The following ANKRD36B variants were observed in gnomAD, a reference collection of about 807,000 sequenced individuals.
The protein encoded by ANKRD36B is ankyrin repeat domain 36B.
In ANKRD36B, 37 loss-of-function variants were observed where a neutral mutation model predicts 135.7. The observed-to-expected ratio is 0.27, with a 90% CI of 0.21 to 0.36. ANKRD36B has a LOEUF of 0.36. Ranked by LOEUF, ANKRD36B falls within the 10% of genes least tolerant of loss-of-function variation. The probability of loss-of-function intolerance (pLI) is 1.00; values close to 1 mark genes in which losing one functional copy is unlikely to be tolerated. For missense variants in ANKRD36B, 549 were observed against 1,037.1 expected (o/e 0.53, Z 6.46); for synonymous variants, 179 against 348.1 (o/e 0.51, Z 5.41).
At chr2:97,585,435 G>C (rs2082912180) in intron 1 of ANKRD36B, 37 bp from the exon 2 acceptor site, 1 of 1,544,676 alleles carries the variant, frequency 6.5e-7, no homozygotes, top group Non-Finnish European at 8.7e-7. Flanking sequence ...ACATGTAACT[G>C]TAAGCATTAA....
In ANKRD36B at chr2:97,546,452, G is replaced by T. The variant is rs572298178; in HGVS notation, c.1580-591C>A. Among the ~76,000 whole-genome samples, 3 of 151,776 alleles carry T rather than the reference G, an allele frequency of 2.0e-5. No individual in the cohort carries two copies. In the East Asian group the frequency reaches 5.9e-4, roughly 30 times the overall value. ...TCATTATCTCTCACACGCACGTGGT[G>T]CAATAATTTGCCTAAGTTTCTTGTA... On this transcript the variant is annotated intron_variant, in intron 22 of 43. Coordinates refer to ENST00000359901, the MANE Select transcript of ANKRD36B (RefSeq NM_001393939.1).
chr2:97,575,030 G>A (rs2082135635), intron 6 of ANKRD36B, among the ~76,000 whole-genome samples: 1 of 151,578 alleles, frequency 6.6e-6, no homozygotes, highest in African/African-American at 2.4e-5. Context: ...AAAGGGTACC[G>A]CCAAAGAGCT....
intron 1 of ANKRD36B, among the ~76,000 whole-genome samples, chr2:97,586,582 AC>A: frequency 6.6e-6 from 1 of 152,326 alleles, no homozygotes; most frequent in African/African-American, 2.4e-5. Context: ...TTGATGAATA[AC>A]TGGATTGAAA....
intron 20 of ANKRD36B, among the ~76,000 whole-genome samples, chr2:97,548,131 C>A (rs1463502841): frequency 6.6e-6 from 1 of 151,780 alleles, no homozygotes; most frequent in Non-Finnish European, 1.5e-5. Flanking sequence ...AGGATTTACA[C>A]CATTATACTA....
intron 20 of ANKRD36B, among the ~76,000 whole-genome samples, chr2:97,548,045 G>A (rs181419527): frequency 5.8e-4 from 88 of 151,864 alleles, no homozygotes; most frequent in African/African-American, 2.1e-3. Flanking sequence ...AATCAGAGGA[G>A]AAACTCATAC....
chr2:97,560,022 G>A (rs1285319524), intron 8 of ANKRD36B, among the ~76,000 whole-genome samples: 1 of 151,782 alleles, frequency 6.6e-6, no homozygotes, highest in African/African-American at 2.4e-5. Context: ...AGTCACTGTG[G>A]TTTATCCCAA....
intron 34 of ANKRD36B, among the ~76,000 whole-genome samples, chr2:97,535,979 T>C (rs1443925836): frequency 1.1e-5 from 1 of 93,814 alleles, no homozygotes; most frequent in South Asian, 2.4e-4. Flanking sequence ...GCAGGAGAAT[T>C]GCTTGAACCA....
intron 43 of ANKRD36B, among the ~76,000 whole-genome samples, chr2:97,496,192 A>G (rs1489311705): frequency 9.3e-6 from 1 of 107,022 alleles, no homozygotes; most frequent in African/African-American, 2.6e-5. Flanking sequence ...CAAATGAGCC[A>G]CAACATTTCG....
At chr2:97,564,207 T>C (rs1419126105) in intron 6 of ANKRD36B, among the ~76,000 whole-genome samples, 2 of 152,050 alleles carry the variant, frequency 1.3e-5, no homozygotes, top group African/African-American at 4.8e-5. Flanking sequence ...ATGTCGTCAA[T>C]AAGTTTTAGT....
chr2:97,524,013 C>T (rs947847445), intron 35 of ANKRD36B: 2 of 69,990 alleles, frequency 2.9e-5, no homozygotes, highest in African/African-American at 8.4e-5. Flanking sequence ...TCTAGACATA[C>T]TGCTGATGTT....
intron 6 of ANKRD36B, among the ~76,000 whole-genome samples, chr2:97,572,169 T>A (rs552470519): frequency 6.6e-6 from 1 of 151,870 alleles, no homozygotes; most frequent in African/African-American, 2.4e-5. Flanking sequence ...GCAGTCTCAA[T>A]GACTTAGGAG....
In ANKRD36B at chr2:97,551,471, T is replaced by G; in HGVS notation, c.1283A>C (p.Gln428Pro). 6.2e-7 allele frequency: 1 copy of G among 1,607,648 alleles called. No individual in the cohort carries two copies. Residue 428 changes from glutamine to proline, a missense_variant, in exon 17 of 44, where the codon CAG (glutamine) becomes CCG (proline). Transcript: ENST00000359901. ...DGEKSGTVSS[Q>P]KKPALKATSD... is the part of the protein sequence containing the mutation. ...CATTACCTTCAAGGCTGGTTTTTTC[T>G]GAGAAGACACTGAAAAGCAAAAGGG...
chr2:97,530,685 C>T lies in ANKRD36B; in HGVS notation c.2265+1626G>A, dbSNP rs1437162210. Among the ~76,000 whole-genome samples the T allele has an allele frequency of 5.0e-4, 48 of 95,946 alleles. 8 individuals carry two copies. In the South Asian group the frequency reaches 0.011, roughly 21 times the overall value. 62.9% of individuals were successfully genotyped at this position (95,946 alleles called of 152,430 possible). A position where few individuals can be genotyped will look rare whatever the true frequency, so the allele number is the denominator to read the frequency against. ...ACAAAGGGCTAATATCCAGAATCTACAAAGAACTCAAACAAATTTACAAGA... is the reference window on the plus strand; with the variant it reads ...ACAAAGGGCTAATATCCAGAATCTATAAAGAACTCAAACAAATTTACAAGA... On this transcript the variant is annotated intron_variant, in intron 35 of 43. Transcript: ENST00000359901.
At chr2:97,549,637 A>T in intron 18 of ANKRD36B, 23 bp from the exon 19 acceptor site, 1 of 1,607,254 alleles carries the variant, frequency 6.2e-7, no homozygotes, top group Non-Finnish European at 8.5e-7. Flanking sequence ...AGGGATTCAT[A>T]ATCACTCATA....
In ANKRD36B at chr2:97,545,587, C is replaced by G. The variant is rs570232944; in HGVS notation, c.1681+79G>C. On this transcript the variant is annotated intron_variant, in intron 24 of 43. Coordinates refer to ENST00000359901, the MANE Select transcript of ANKRD36B (RefSeq NM_001393939.1). ...ATCAGAACATGAAGATTTGACGAAC[C>G]CCCCGCTGCTTTATTTGGTGAAGAG... 126 of 750,424 alleles carry G rather than the reference C, an allele frequency of 1.7e-4. 21 individuals carry two copies. The East Asian group carries it at 3.5e-3, about 21-fold the overall frequency. 46.5% of individuals were successfully genotyped at this position (750,424 alleles called of 1,614,324 possible). A position where few individuals can be genotyped will look rare whatever the true frequency, so the allele number is the denominator to read the frequency against.
chr2:97,549,618 A>C lies in ANKRD36B; in HGVS notation c.1376-4T>G. 1 of 1,608,284 alleles carries C rather than the reference A, an allele frequency of 6.2e-7. No individual in the cohort carries two copies. The highest frequency in any genetic ancestry group is 8.5e-7 in the Non-Finnish European group (1 of 1,177,880). On this transcript the variant is annotated splice_region_variant and splice_polypyrimidine_tract_variant and intron_variant, in intron 18 of 43. Coordinates refer to ENST00000359901, the MANE Select transcript of ANKRD36B (RefSeq NM_001393939.1). ...GCTGGTGGTTTCTGAGAAGACACTG[A>C]AAAGCAAAAGGGATTCATAATCACT...
At chr2:97,548,258 A>T (rs933130705) in intron 20 of ANKRD36B, among the ~76,000 whole-genome samples, 33 of 151,832 alleles carry the variant, frequency 2.2e-4, no homozygotes, top group Admixed American at 1.2e-3. Context: ...TGAATTGATC[A>T]CCTTGGACAC....
intron 3 of ANKRD36B, among the ~76,000 whole-genome samples, chr2:97,582,458 T>A (rs952060396): frequency 6.6e-6 from 1 of 151,618 alleles, no homozygotes; most frequent in Non-Finnish European, 1.5e-5. Context: ...AGTACCTAGG[T>A]AGGCACAGTA....
At position 97,531,722 on chromosome 2, in the gene ANKRD36B, T is replaced by C. The variant is rs1157205479; in HGVS notation, c.2265+589A>G. ...TTTAACAATATTTAGAGATTTTCTA[T>C]ATTGAAATTCATTAGGCAGTTATTG... On this transcript the variant is annotated intron_variant, in intron 35 of 43. Transcript: ENST00000359901. Among the ~76,000 whole-genome samples the C allele has an allele frequency of 3.3e-4, 32 of 96,558 alleles. 5 individuals are homozygous for C. The highest frequency in any genetic ancestry group is 7.8e-4 in the African/African-American group (25 of 32,238). 63.3% of individuals were successfully genotyped at this position (96,558 alleles called of 152,430 possible).
Sources: gnomAD v4.1 joint callset for allele counts (sites outside exome capture counted in the v4.1 genomes callset) on GRCh38, gnomAD v4.1.1 for gene constraint, MANE v1.5 for transcripts, NCBI Gene and HGNC (gene_info 2026-07-23, HGNC 2026-07-21) for gene names.